Variants in RNF182 observed in about 807,000 individuals in gnomAD.
RNF182 encodes the protein E3 ubiquitin-protein ligase RNF182.
Under a neutral mutation model 14.4 loss-of-function variants are expected in RNF182, and 15 were observed. That is an observed-to-expected ratio of 1.04 (90% CI 0.70 to 1.60). The LOEUF (loss-of-function observed/expected upper bound fraction) is 1.60. Ranked by LOEUF, RNF182 falls within the 40% of genes most tolerant of loss-of-function variation. The pLI, the probability that RNF182 is intolerant of heterozygous loss-of-function variation, is 0.00. For synonymous variants in RNF182, 128 were observed against 122.9 expected, an observed-to-expected ratio of 1.04 and a Z score of -0.27; for missense variants, 268 against 294.8, an observed-to-expected ratio of 0.91 and a Z score of 0.67.
intron 1 of RNF182, among the ~76,000 whole-genome samples, chr6:13,953,914 G>A (rs1759662689): frequency 6.6e-6 from 1 of 152,178 alleles, no homozygotes; most frequent in Admixed American, 6.5e-5. Flanking sequence ...GTTAATGAAT[G>A]AATATACATG....
intron 1 of RNF182, among the ~76,000 whole-genome samples, chr6:13,972,686 C>T (rs758184870): frequency 3.7e-4 from 57 of 152,268 alleles, no homozygotes; most frequent in South Asian, 2.7e-3. Context: ...AGCTTCCATG[C>T]GGCATTGAGC....
intron 1 of RNF182, among the ~76,000 whole-genome samples, chr6:13,943,296 C>G (rs76371373): frequency 6.2e-5 from 7 of 112,226 alleles, no homozygotes; most frequent in Admixed American, 1.8e-4. Flanking sequence ...TTTTTTTTTT[C>G]TTTTTGTAGA....
chr6:13,936,438 G>A (rs1759111314), intron 1 of RNF182, among the ~76,000 whole-genome samples: 1 of 152,180 alleles, frequency 6.6e-6, no homozygotes, highest in South Asian at 2.1e-4. Context: ...TCTTTGGTCT[G>A]CAGTAAATTT....
intron 1 of RNF182, among the ~76,000 whole-genome samples, chr6:13,938,681 C>T (rs933788918): frequency 1.3e-5 from 2 of 152,056 alleles, no homozygotes; most frequent in African/African-American, 4.8e-5. Context: ...GTTGACCCAG[C>T]GTTATTTATT....
At chr6:13,944,700 C>G (rs910520202) in intron 1 of RNF182, among the ~76,000 whole-genome samples, 1 of 152,192 alleles carries the variant, frequency 6.6e-6, no homozygotes, top group Non-Finnish European at 1.5e-5. Context: ...GTTATTTGTA[C>G]TTAATCCTTT....
chr6:13,952,939 A>C (rs1759632726), intron 1 of RNF182, among the ~76,000 whole-genome samples: 1 of 152,204 alleles, frequency 6.6e-6, no homozygotes, highest in African/African-American at 2.4e-5. Flanking sequence ...AAGGACTGTT[A>C]ATCTTTGTGT....
In RNF182 at chr6:13,977,235, G is replaced by A. The variant is rs1315092890; in HGVS notation, c.116G>A (p.Cys39Tyr). The change falls in exon 3 of 3, where the codon TGT becomes TAT. Residue 39 changes from cysteine to tyrosine, a missense_variant. By Grantham distance (194) the Cys-to-Tyr change is radical (BLOSUM62 -2). Transcript: ENST00000488300. The stretch of plus-strand genomic sequence containing the variant: ...CAGAGGAAACCCAAAGTGCTGGAGT[G>A]TTGTCATAGGGTTTGTGCCAAATGC... ...LKQRKPKVLECCHRVCAKCLY... is the reference protein window; with the variant it reads ...LKQRKPKVLEYCHRVCAKCLY... The A allele has an allele frequency of 1.4e-5, 23 of 1,614,186 alleles. No homozygotes were observed. Among genetic ancestry groups the A allele is most frequent in the Non-Finnish European group, 1.9e-5 (22 of 1,180,034 alleles).
At chr6:13,965,072 G>A (rs944185644) in intron 1 of RNF182, among the ~76,000 whole-genome samples, 5 of 152,226 alleles carry the variant, frequency 3.3e-5, no homozygotes, top group African/African-American at 1.2e-4. Context: ...AACTCACGCT[G>A]AATGTGATGG....
intron 2 of RNF182, among the ~76,000 whole-genome samples, chr6:13,976,162 C>T (rs1422448947): frequency 1.3e-5 from 2 of 152,204 alleles, no homozygotes; most frequent in Non-Finnish European, 2.9e-5. Flanking sequence ...AGAGACATAG[C>T]TATGCATGTT....
chr6:13,971,669 T>C (rs1760186739), intron 1 of RNF182, among the ~76,000 whole-genome samples: 1 of 152,170 alleles, frequency 6.6e-6, no homozygotes, highest in African/African-American at 2.4e-5. Flanking sequence ...GTGGGGAAGT[T>C]TGGAATTTCC....
intron 1 of RNF182, among the ~76,000 whole-genome samples, chr6:13,948,182 G>T (rs1759485136): frequency 6.6e-6 from 1 of 152,158 alleles, no homozygotes; most frequent in Non-Finnish European, 1.5e-5. Flanking sequence ...AGTCTTGGAA[G>T]TTTTTCTTCG....
intron 1 of RNF182, among the ~76,000 whole-genome samples, chr6:13,953,402 G>T (rs1483606885): frequency 1.3e-5 from 2 of 152,210 alleles, no homozygotes; most frequent in African/African-American, 4.8e-5. Flanking sequence ...GGGCAGAGGG[G>T]TGGTGGCAGT....
intron 1 of RNF182, among the ~76,000 whole-genome samples, chr6:13,959,612 C>T (rs1265329698): frequency 6.6e-6 from 1 of 152,178 alleles, no homozygotes; most frequent in Non-Finnish European, 1.5e-5. Context: ...AGATTGGAAA[C>T]ATACTTTGGT....
chr6:13,963,394 T>C (rs1221911597), intron 1 of RNF182, among the ~76,000 whole-genome samples: 1 of 152,248 alleles, frequency 6.6e-6, no homozygotes, highest in Non-Finnish European at 1.5e-5. Context: ...TATCTATTGT[T>C]ACAAAAGCAC....
chr6:13,934,765 G>C (rs1349529116), intron 1 of RNF182, among the ~76,000 whole-genome samples: 1 of 148,294 alleles, frequency 6.7e-6, no homozygotes, highest in Non-Finnish European at 1.5e-5. Flanking sequence ...AATATTAGCA[G>C]AGATAAATAA....
upstream of RNF182, chr6:13,924,725 T>C (rs1486136928): frequency 6.6e-6 from 1 of 151,608 alleles, no homozygotes; most frequent in East Asian, 2.0e-4. Flanking sequence ...CCCCTCTCGC[T>C]GGGGAGAAAC....
At chr6:13,939,016 G>A (rs1405316735) in intron 1 of RNF182, among the ~76,000 whole-genome samples, 1 of 152,192 alleles carries the variant, frequency 6.6e-6, no homozygotes, top group African/African-American at 2.4e-5. Context: ...CCAGGAGGCA[G>A]AGGTTGTAGT....
chr6:13,956,792 A>G (rs1356232058), intron 1 of RNF182, among the ~76,000 whole-genome samples: 1 of 152,172 alleles, frequency 6.6e-6, no homozygotes, highest in African/African-American at 2.4e-5. Flanking sequence ...AACCACAAAT[A>G]TAGGAAGAAT....
chr6:13,979,921 A>G lies in RNF182; in HGVS notation c.*2058A>G, dbSNP rs1760450266. ...ATGACACCAGAAAACTCTTCATGCTATTGAATGATAAAAAGATAATGCTTT... is the reference window on the plus strand; with the variant it reads ...ATGACACCAGAAAACTCTTCATGCTGTTGAATGATAAAAAGATAATGCTTT... On this transcript the variant is annotated 3_prime_UTR_variant, in exon 3 of 3. Transcript: ENST00000488300. The G allele has an allele frequency of 2.4e-5, 4 of 167,088 alleles. No individual in the cohort carries two copies. Among genetic ancestry groups the G allele is most frequent in the African/African-American group, 9.6e-5 (4 of 41,576 alleles). 10.4% of individuals were successfully genotyped at this position (167,088 alleles called of 1,614,324 possible). A position where few individuals can be genotyped will look rare whatever the true frequency, so the allele number is the denominator to read the frequency against.
Sources: allele counts gnomAD v4.1 joint callset (sites outside exome capture counted in the v4.1 genomes callset), GRCh38; gene constraint gnomAD v4.1.1; transcripts MANE v1.5; gene names NCBI Gene and HGNC (gene_info 2026-07-23, HGNC 2026-07-21).